Variants in TCTN2 observed in about 807,000 individuals in gnomAD.
TCTN2 encodes tectonic family member 2.
In TCTN2, 66 loss-of-function variants were observed where a neutral mutation model predicts 83.4. The ratio of observed to expected loss-of-function variants is 0.79; its 90% CI spans 0.65 to 0.97. The LOEUF (loss-of-function observed/expected upper bound fraction) is 0.97, where lower values mean the gene tolerates loss of function less well. TCTN2 is among the 50% of genes least tolerant of loss of function. TCTN2 has a pLI of 0.00. For synonymous variants in TCTN2, 301 were observed against 326.7 expected (o/e 0.92, Z 0.85); for missense variants, 794 against 858.1 (o/e 0.93, Z 0.93).
At chr12:123,698,812 A>G (rs1394574274) in intron 13 of TCTN2, among the ~76,000 whole-genome samples, 14 of 152,102 alleles carry the variant, frequency 9.2e-5, no homozygotes. Flanking sequence ...AATGGGGGTA[A>G]CATTGAGAAG....
intron 8 of TCTN2, among the ~76,000 whole-genome samples, chr12:123,691,816 C>A (rs1240551393): frequency 6.6e-6 from 1 of 151,610 alleles, no homozygotes; most frequent in Non-Finnish European, 1.5e-5. Context: ...GCTGCAACCT[C>A]CACCTCCCTG....
Position 123,704,531 on chromosome 12 carries a change from G to GGT in TCTN2, c.1615_1616dup (p.Asp540Ter). The GGT allele has an allele frequency of 6.2e-7, 1 of 1,610,100 alleles. No individual in the cohort carries two copies. The highest frequency in any genetic ancestry group is 8.5e-7 in the Non-Finnish European group (1 of 1,178,234). On this transcript the variant is annotated frameshift_variant and splice_region_variant. Coordinates refer to ENST00000303372, the MANE Select transcript of TCTN2 (RefSeq NM_024809.5). LOFTEE classifies it high-confidence loss of function. Reference sequence around the variant, plus strand: ...AAGTGTATAACTTAACATTTCTATAGGTGTAGATGCCCCTGATCCAGGTGC... The same window carrying GGT: ...AAGTGTATAACTTAACATTTCTATAGGTGTGTAGATGCCCCTGATCCAGGTGC...
chr12:123,676,566 TAAAA>T (rs60100973), intron 4 of TCTN2, among the ~76,000 whole-genome samples: 170 of 60,704 alleles, frequency 2.8e-3, no homozygotes, highest in African/African-American at 8.4e-3. Flanking sequence ...AGACTCCATC[TAAAA>T]AAAAAAAAAA....
At chr12:123,700,307 T>C (rs1235699075) in intron 14 of TCTN2, among the ~76,000 whole-genome samples, 2 of 152,106 alleles carry the variant, frequency 1.3e-5, no homozygotes, top group Admixed American at 6.6e-5. Context: ...GCATGAGCCA[T>C]TGCGCCTGGC....
chr12:123,705,931 T>A (rs918787089), intron 15 of TCTN2, among the ~76,000 whole-genome samples: 1 of 151,972 alleles, frequency 6.6e-6, no homozygotes, highest in Non-Finnish European at 1.5e-5. Flanking sequence ...TAATTTTGTA[T>A]TTTTAGTAGA....
intron 14 of TCTN2, among the ~76,000 whole-genome samples, chr12:123,701,352 C>T (rs1446631833): frequency 2.0e-5 from 3 of 152,048 alleles, no homozygotes; most frequent in Non-Finnish European, 4.4e-5. Flanking sequence ...TGTGACTATA[C>T]CAGAAACCAT....
In TCTN2 at chr12:123,677,989, T is replaced by C. The variant is rs536717968; in HGVS notation, c.464-1200T>C. ...GCGCATTCTCTCTCTCTGCAAGTCT[T>C]CCTGACGCCCAGCCTAAGCCACGTG... On this transcript the variant is annotated intron_variant, in intron 4 of 17. Transcript: ENST00000303372. Among the ~76,000 whole-genome samples, 5 of 152,310 alleles carry C rather than the reference T, an allele frequency of 3.3e-5. No homozygotes were observed. The South Asian group carries it at 1.0e-3, about 32-fold the overall frequency.
chr12:123,707,990 G>T lies in TCTN2; in HGVS notation c.*277G>T. The T allele has an allele frequency of 2.6e-6, 1 of 387,826 alleles. No homozygotes were observed. The highest frequency in any genetic ancestry group is 4.8e-6 in the Non-Finnish European group (1 of 209,182). 24.0% of individuals were successfully genotyped at this position (387,826 alleles called of 1,614,324 possible). On this transcript the variant is annotated 3_prime_UTR_variant, in exon 18 of 18. Coordinates refer to ENST00000303372, the MANE Select transcript of TCTN2 (RefSeq NM_024809.5). ...CCCAAAGTGCTGAGATTACAGGCAT[G>T]AGCCACCGCACCCGGCCTTTTTTTT...
At position 123,696,625 on chromosome 12, in the gene TCTN2, C is replaced by T. The variant is rs943675945; in HGVS notation, c.1393+130C>T. The T allele has an allele frequency of 3.7e-6, 3 of 814,352 alleles. No individual in the cohort carries two copies. In the African/African-American group the frequency reaches 5.1e-5, roughly 14 times the overall value. The allele number at this position is 814,352 out of a possible 1,614,324, so 50.4% of individuals were successfully genotyped here. On this transcript the variant is annotated intron_variant, in intron 12 of 17. Coordinates refer to ENST00000303372, the MANE Select transcript of TCTN2 (RefSeq NM_024809.5). Reference sequence around the variant, plus strand: ...GGTTTATTTAGCAGAGAGGTACATGCTGCTGAATAACAGTGATGATGGTTT... The same window carrying T: ...GGTTTATTTAGCAGAGAGGTACATGTTGCTGAATAACAGTGATGATGGTTT...
At position 123,695,117 on chromosome 12, in the gene TCTN2, C is replaced by T. The variant is rs1190366767; in HGVS notation, c.1235-103C>T. On this transcript the variant is annotated intron_variant, in intron 10 of 17. Transcript: ENST00000303372. The stretch of plus-strand genomic sequence containing the variant: ...ATTTATGATTTAATTAACGAGAGTA[C>T]ACTTTGTATGACAAAATGCAATTTT... 2.8e-6 allele frequency: 4 copies of T among 1,422,970 alleles called. No homozygotes were observed. In the East Asian group the frequency reaches 6.8e-5, roughly 24 times the overall value. 88.1% of individuals were successfully genotyped at this position (1,422,970 alleles called of 1,614,324 possible).
At chr12:123,700,492 G>GTGT (rs1255859738) in intron 14 of TCTN2, among the ~76,000 whole-genome samples, 12 of 152,188 alleles carry the variant, frequency 7.9e-5, no homozygotes, top group Non-Finnish European at 1.8e-4. Flanking sequence ...GAGTGCAATG[G>GTGT]CACAATCTCG....
At chr12:123,697,752 C>T (rs1281739910) in intron 13 of TCTN2, among the ~76,000 whole-genome samples, 2 of 152,110 alleles carry the variant, frequency 1.3e-5, no homozygotes, top group Non-Finnish European at 2.9e-5. Flanking sequence ...CCTTGGCCTC[C>T]CAAAGTGCTG....
intron 4 of TCTN2, among the ~76,000 whole-genome samples, chr12:123,678,149 A>G (rs898188992): frequency 1.3e-5 from 2 of 152,130 alleles, no homozygotes; most frequent in African/African-American, 2.4e-5. Flanking sequence ...TCATCCCTGC[A>G]TAACCCAGCC....
At chr12:123,695,378 A>G in intron 11 of TCTN2, 81 bp downstream of exon 11, 1 of 926,116 alleles carries the variant, frequency 1.1e-6, no homozygotes. Flanking sequence ...GGTTATAAGT[A>G]ACTCTCTCCA....
chr12:123,705,823 C>T (rs1956221854), intron 15 of TCTN2, among the ~76,000 whole-genome samples: 1 of 150,142 alleles, frequency 6.7e-6, no homozygotes, highest in Non-Finnish European at 1.5e-5. Flanking sequence ...GTGGTGCCAT[C>T]TTGGCTCACT....
intron 3 of TCTN2, among the ~76,000 whole-genome samples, chr12:123,673,095 A>T (rs1955776831): frequency 1.3e-5 from 2 of 152,128 alleles, no homozygotes; most frequent in Admixed American, 1.3e-4. Flanking sequence ...CTCTGAGCTT[A>T]TGTGTAAGGA....
intron 5 of TCTN2, among the ~76,000 whole-genome samples, chr12:123,682,713 C>G (rs974830721): frequency 6.6e-6 from 1 of 151,628 alleles, no homozygotes; most frequent in Non-Finnish European, 1.5e-5. Flanking sequence ...AACTCCTGAC[C>G]ACAAGTGATC....
intron 3 of TCTN2, among the ~76,000 whole-genome samples, chr12:123,673,110 C>T (rs1955777014): frequency 2.0e-5 from 3 of 152,196 alleles, no homozygotes; most frequent in South Asian, 4.2e-4. Flanking sequence ...TAAGGATACT[C>T]AAACCTGGAG....
Position 123,685,283 on chromosome 12 carries a change from T to C in TCTN2, c.565-1553T>C, listed in dbSNP as rs76585413. Among the ~76,000 whole-genome samples the C allele has an allele frequency of 9.1e-3, 1,385 of 152,300 alleles. 28 individuals carry two copies. Among genetic ancestry groups the C allele is most frequent in the African/African-American group, 0.031 (1,304 of 41,560 alleles). On this transcript the variant is annotated intron_variant, in intron 5 of 17. Transcript: ENST00000303372. ...AGCAGCACTTTATAAACAATCAATTTTTAATTTGAATTGCTCTCGTTTCAA... is the reference window on the plus strand; with the variant it reads ...AGCAGCACTTTATAAACAATCAATTCTTAATTTGAATTGCTCTCGTTTCAA...
Sources: gnomAD v4.1 joint callset for allele counts (sites outside exome capture counted in the v4.1 genomes callset) on GRCh38, gnomAD v4.1.1 for gene constraint, MANE v1.5 for transcripts, NCBI Gene and HGNC (gene_info 2026-07-23, HGNC 2026-07-21) for gene names.